LEPR: variants seen among roughly 807,000 people sequenced by gnomAD.
LEPR encodes the protein leptin receptor.
In LEPR, 56 loss-of-function variants were observed where a neutral mutation model predicts 114.7. That is an observed-to-expected ratio of 0.49 (90% CI 0.39 to 0.61). The LOEUF (loss-of-function observed/expected upper bound fraction) is 0.61, where lower values mean the gene tolerates loss of function less well. Ranked by LOEUF, LEPR falls within the 20% of genes least tolerant of loss-of-function variation. The pLI is 0.00. For missense variants in LEPR, 1,202 were observed against 1,352.9 expected (o/e 0.89, Z 1.75); for synonymous variants, 443 against 461.4 (o/e 0.96, Z 0.51).
At chr1:65,431,698 T>A in intron 2 of LEPR, 2 of 1,184,858 alleles carry the variant, frequency 1.7e-6, no homozygotes, top group Non-Finnish European at 2.4e-6. Flanking sequence ...TTAGCAGCTT[T>A]GTGTAACATT....
Position 65,532,841 on chromosome 1 carries a change from C to T in LEPR, c.-20-32705C>T, listed in dbSNP as rs116018512. ...ATGGAGGAAGCTGGTGAAAGGGGAG[C>T]GACTGCTAATGAGGAAGAGGTGCAT... On this transcript the variant is annotated intron_variant, in intron 2 of 19. Coordinates refer to ENST00000349533, the MANE Select transcript of LEPR (RefSeq NM_002303.6). Among the ~76,000 whole-genome samples, 899 of 152,050 alleles carry T rather than the reference C, an allele frequency of 5.9e-3. 8 individuals carry two copies. Among genetic ancestry groups the T allele is most frequent in the African/African-American group, 0.02 (838 of 41,476 alleles).
intron 2 of LEPR, among the ~76,000 whole-genome samples, chr1:65,534,304 C>G (rs1357709403): frequency 6.6e-6 from 1 of 152,024 alleles, no homozygotes; most frequent in Non-Finnish European, 1.5e-5. Flanking sequence ...CCATATGAAT[C>G]CTTAAGTTAT....
At chr1:65,475,006 CAAAAAA>C (rs1325552861) in intron 2 of LEPR, among the ~76,000 whole-genome samples, 1 of 23,938 alleles carries the variant, frequency 4.2e-5, no homozygotes, top group Non-Finnish European at 8.0e-5. Context: ...GACTCCATCT[CAAAAAA>C]AAAAAAAAAA....
At position 65,460,980 on chromosome 1, in the gene LEPR, C is replaced by CTT. The variant is rs529223465; in HGVS notation, c.-21+35616_-21+35617dup. On this transcript the variant is annotated intron_variant, in intron 2 of 19. Transcript: ENST00000349533. ...CCCATTTTTTTCTTTTCTTTCTTTT[C>CTT]TTTTTTTTTTTTTTTGATGGAGTCT... is the stretch of plus-strand genomic sequence containing the variant. Among the ~76,000 whole-genome samples the CTT allele has an allele frequency of 6.3e-3, 877 of 138,634 alleles. 2 individuals carry two copies. Among genetic ancestry groups the CTT allele is most frequent in the Non-Finnish European group, 8.8e-3 (563 of 63,794 alleles). 90.9% of individuals were successfully genotyped at this position (138,634 alleles called of 152,430 possible).
In LEPR at chr1:65,528,355, C is replaced by T. The variant is rs569154480; in HGVS notation, c.-20-37191C>T. ...ATTAAATTAGAAAGTTGCAAATGTT[C>T]ACCTACTGGCCACACTCAGTATGTA... On this transcript the variant is annotated intron_variant, in intron 2 of 19. Coordinates refer to ENST00000349533, the MANE Select transcript of LEPR (RefSeq NM_002303.6). Among the ~76,000 whole-genome samples, 318 of 152,258 alleles carry T rather than the reference C, an allele frequency of 2.1e-3. 2 individuals carry two copies. The highest frequency in any genetic ancestry group is 7.4e-3 in the African/African-American group (308 of 41,556).
intron 2 of LEPR, among the ~76,000 whole-genome samples, chr1:65,464,990 AT>A: frequency 6.6e-6 from 1 of 152,022 alleles, no homozygotes. Context: ...GGATTCATTG[AT>A]TTTTTTGAAG....
chr1:65,549,814 G>A (rs1436430115), intron 2 of LEPR, among the ~76,000 whole-genome samples: 2 of 152,172 alleles, frequency 1.3e-5, no homozygotes, highest in African/African-American at 4.8e-5. Flanking sequence ...CTCTCACCTC[G>A]TCAAAGTCAT....
chr1:65,461,164 G>A (rs1270652895), intron 2 of LEPR, among the ~76,000 whole-genome samples: 1 of 151,418 alleles, frequency 6.6e-6, no homozygotes, highest in Non-Finnish European at 1.5e-5. Context: ...TAGTAAAGAT[G>A]GGGTTTTACC....
intron 19 of LEPR, 122 bp downstream of exon 19, chr1:65,623,103 A>G (rs899308892): frequency 3.1e-6 from 3 of 954,456 alleles, no homozygotes; most frequent in African/African-American, 3.3e-5. Context: ...ATTCATCTTA[A>G]TATATCTGTT....
chr1:65,618,039 G>A lies in LEPR; in HGVS notation c.2288G>A (p.Ser763Asn). The stretch of plus-strand genomic sequence containing the variant: ...ATTGTTTCCTGGATACTATCACCCA[G>A]TGATTACAAGCTAATGTATTTTATT... Reference protein sequence around the residue: ...CVIVSWILSPSDYKLMYFIIE... With the variant: ...CVIVSWILSPNDYKLMYFIIE... The change falls in exon 16 of 20, where the codon AGT becomes AAT. Residue 763 changes from serine (S) to asparagine (N), a missense_variant. Physicochemically the swap from Ser to Asn is conservative, Grantham distance 46. Transcript: ENST00000349533. 6.2e-7 allele frequency: 1 copy of A among 1,612,974 alleles called. No individual in the cohort carries two copies. Among genetic ancestry groups the A allele is most frequent in the Non-Finnish European group, 8.5e-7 (1 of 1,179,504 alleles).
At chr1:65,624,633 T>G (rs1658089930) in intron 19 of LEPR, among the ~76,000 whole-genome samples, 1 of 152,210 alleles carries the variant, frequency 6.6e-6, no homozygotes, top group African/African-American at 2.4e-5. Flanking sequence ...AAATGAAAGA[T>G]ACGCAAAGCA....
chr1:65,588,992 C>T (rs1268486602), intron 5 of LEPR, among the ~76,000 whole-genome samples: 3 of 152,064 alleles, frequency 2.0e-5, no homozygotes, highest in South Asian at 2.1e-4. Flanking sequence ...AAGAAAGTGC[C>T]AAACTGTTTT....
intron 2 of LEPR, among the ~76,000 whole-genome samples, chr1:65,480,010 G>C (rs1358067270): frequency 6.6e-6 from 1 of 152,198 alleles, no homozygotes; most frequent in African/African-American, 2.4e-5. Flanking sequence ...AAGCAGGCCA[G>C]AAGGAAGCCA....
chr1:65,545,672 A>G (rs1459270672), intron 2 of LEPR, among the ~76,000 whole-genome samples: 1 of 152,134 alleles, frequency 6.6e-6, no homozygotes, highest in Non-Finnish European at 1.5e-5. Context: ...TCTTCTTGTA[A>G]ATTAGTTTGA....
intron 2 of LEPR, among the ~76,000 whole-genome samples, chr1:65,465,701 G>C (rs796338958): frequency 9.9e-5 from 15 of 152,274 alleles, no homozygotes; most frequent in African/African-American, 3.6e-4. Context: ...TTATGAATCT[G>C]GGTGCTCCTG....
chr1:65,505,182 T>C (rs1471667157), intron 2 of LEPR, among the ~76,000 whole-genome samples: 2 of 152,174 alleles, frequency 1.3e-5, no homozygotes, highest in Non-Finnish European at 2.9e-5. Flanking sequence ...ATTATGAGTA[T>C]GATAAAAATA....
intron 2 of LEPR, among the ~76,000 whole-genome samples, chr1:65,547,240 T>G (rs976767695): frequency 1.3e-5 from 2 of 152,212 alleles, no homozygotes; most frequent in Non-Finnish European, 2.9e-5. Flanking sequence ...TGCAGCAATG[T>G]TCTTCAAGGA....
intron 19 of LEPR, among the ~76,000 whole-genome samples, chr1:65,632,623 A>G (rs189317504): frequency 1.8e-4 from 28 of 152,224 alleles, no homozygotes; most frequent in African/African-American, 6.3e-4. Context: ...GGCAGCCTCA[A>G]TTGCTTTGTC....
chr1:65,498,356 A>C (rs977662021), intron 2 of LEPR, among the ~76,000 whole-genome samples: 1 of 152,094 alleles, frequency 6.6e-6, no homozygotes, highest in Non-Finnish European at 1.5e-5. Context: ...TTTTCTTTCC[A>C]TCATTCTTTG....
Sources: allele counts gnomAD v4.1 joint callset (sites outside exome capture counted in the v4.1 genomes callset), GRCh38; gene constraint gnomAD v4.1.1; transcripts MANE v1.5; gene names NCBI Gene and HGNC (gene_info 2026-07-23, HGNC 2026-07-21).